The following SLC6A12 variants were observed in gnomAD, a reference collection of about 807,000 sequenced individuals.
SLC6A12 encodes the protein solute carrier family 6 member 12.
SLC6A12 carries 50 observed loss-of-function variants against 73.3 expected under a neutral mutation model. The observed-to-expected ratio is 0.68, with a 90% confidence interval of 0.54 to 0.86. The LOEUF (loss-of-function observed/expected upper bound fraction) is 0.86. SLC6A12 is among the 40% of genes least tolerant of loss of function. SLC6A12 has a pLI of 0.00. For synonymous variants in SLC6A12, 304 were observed against 309.2 expected, an observed-to-expected ratio of 0.98 and a Z score of 0.18; for missense variants, 648 against 772.8, an observed-to-expected ratio of 0.84 and a Z score of 1.92.
chr12:197,622 G>C, intron 9 of SLC6A12, 121 bp from the exon 10 acceptor site: 36 of 960,906 alleles, frequency 3.7e-5, no homozygotes, highest in Non-Finnish European at 5.3e-5. Context: ...AGAAGGGGGA[G>C]GCAAGGGAGG....
At position 198,663 on chromosome 12, in the gene SLC6A12, C is replaced by T. The variant is rs1303435144; in HGVS notation, c.846+134G>A. On this transcript the variant is annotated intron_variant, in intron 8 of 15. Coordinates refer to ENST00000684302, the MANE Select transcript of SLC6A12 (RefSeq NM_001122848.3). The surrounding 1 kb of genome is among the most constrained non-coding windows in gnomAD (Gnocchi z 4.0). ...TAGTTTCTTTTTTATAGCTTTCTTC[C>T]ATATTTTCTAATTTATCTCCAGTGG... 2.9e-6 allele frequency: 2 copies of T among 689,532 alleles called. No homozygotes were observed. Among genetic ancestry groups the T allele is most frequent in the African/African-American group, 1.8e-5 (1 of 55,196 alleles). The allele number at this position is 689,532 out of a possible 1,614,324, so 42.7% of individuals were successfully genotyped here. A position where few individuals can be genotyped will look rare whatever the true frequency, so the allele number is the denominator to read the frequency against.
At chr12:208,190 C>CTA (rs1157804512) in intron 3 of SLC6A12, among the ~76,000 whole-genome samples, 1 of 152,192 alleles carries the variant, frequency 6.6e-6, no homozygotes, top group Non-Finnish European at 1.5e-5. Context: ...CCCTAACATC[C>CTA]TATATGCCAT....
downstream of SLC6A12, among the ~76,000 whole-genome samples, chr12:188,341 G>A (rs370202996): frequency 1.1e-4 from 16 of 152,090 alleles, no homozygotes; most frequent in East Asian, 2.9e-3. Flanking sequence ...CACTGCCCCG[G>A]GCCGGCGGGG....
chr12:187,588 G>GCAA (rs1939453640), downstream of SLC6A12, among the ~76,000 whole-genome samples: 4 of 63,130 alleles, frequency 6.3e-5, no homozygotes, highest in African/African-American at 4.1e-4. Flanking sequence ...CTGCAAAAGA[G>GCAA]CAAAAAAAAA....
At position 204,571 on chromosome 12, in the gene SLC6A12, G is replaced by C. The variant is rs1360558653; in HGVS notation, c.342C>G (p.Leu114=). The C allele has an allele frequency of 6.2e-7, 1 of 1,614,148 alleles. No individual in the cohort carries two copies. Among genetic ancestry groups the C allele is most frequent in the Non-Finnish European group, 8.5e-7 (1 of 1,180,004 alleles). ...SVTAWRKICP[L]FQGIGLASVV... is the part of the protein sequence containing the mutation. The stretch of plus-strand genomic sequence containing the variant: ...GTGGGGGAGGATACATACCCTGGAA[G>C]AGGGGGCAGATCTTCCTCCAGGCTG... Residue 114 remains leucine, a synonymous_variant, in exon 4 of 16, where the codon CTC becomes CTG. Coordinates refer to ENST00000684302, the MANE Select transcript of SLC6A12 (RefSeq NM_001122848.3).
chr12:189,797 G>A (rs1014942261), downstream of SLC6A12, among the ~76,000 whole-genome samples: 1 of 151,854 alleles, frequency 6.6e-6, no homozygotes, highest in African/African-American at 2.4e-5. Flanking sequence ...GGAAACGGGT[G>A]GAGCCATGTG....
In SLC6A12 at chr12:209,881, G is replaced by C. The variant is rs547630555; in HGVS notation, c.106C>G (p.Arg36Gly). 6.2e-7 allele frequency: 1 copy of C among 1,614,172 alleles called. No individual in the cohort carries two copies. Among genetic ancestry groups the C allele is most frequent in the Non-Finnish European group, 8.5e-7 (1 of 1,180,024 alleles). Reference sequence around the variant, plus strand: ...TCCATCTTGTTGGTCCATTGGCCCCGATCCTTCACCTGGTCCTCGTCTTCC... The same window carrying C: ...TCCATCTTGTTGGTCCATTGGCCCCCATCCTTCACCTGGTCCTCGTCTTCC... ...DQEDEDQVKD[R>G]GQWTNKMEFV... is the part of the protein sequence containing the mutation. The change falls in exon 3 of 16, where the codon CGG becomes GGG. Residue 36 changes from arginine (R) to glycine (G), a missense_variant. By Grantham distance (125) the Arg-to-Gly change is moderately radical (BLOSUM62 -2). Transcript: ENST00000684302.
Position 197,372 on chromosome 12 carries a change from C to A in SLC6A12, c.1075+5G>T. ...TCAGGCCCCAGACAGCAAAGTGGCA[C>A]CTACCTGACTCGGCCACTTCAGAAA... On this transcript the variant is annotated splice_donor_5th_base_variant and intron_variant, in intron 10 of 15. Transcript: ENST00000684302. 6.2e-7 allele frequency: 1 copy of A among 1,611,868 alleles called. No individual in the cohort carries two copies. Among genetic ancestry groups the A allele is most frequent in the Non-Finnish European group, 8.5e-7 (1 of 1,178,876 alleles).
intron 5 of SLC6A12, 25 bp downstream of exon 5, chr12:202,700 CCCTAACAGGCAACAT>C (rs1239456199): frequency 6.3e-7 from 1 of 1,599,778 alleles, no homozygotes. Flanking sequence ...GCAGCCCAGC[CCCTAACAGGCAACAT>C]CCCAGGGGCT....
chr12:194,642 G>T (rs1939777322), intron 13 of SLC6A12, among the ~76,000 whole-genome samples: 1 of 152,170 alleles, frequency 6.6e-6, no homozygotes, highest in Non-Finnish European at 1.5e-5. Context: ...CCTGGTGTAG[G>T]ACATGGTCAC....
chr12:200,904 C>G, intron 6 of SLC6A12, 121 bp from the exon 7 acceptor site: 2 of 966,792 alleles, frequency 2.1e-6, no homozygotes, highest in Non-Finnish European at 3.0e-6. Flanking sequence ...GGGCTTCCCC[C>G]ACTCCCCACC....
downstream of SLC6A12, among the ~76,000 whole-genome samples, chr12:185,684 C>T (rs574753351): frequency 3.9e-5 from 6 of 152,340 alleles, no homozygotes; most frequent in African/African-American, 7.2e-5. Context: ...AACTTGCACT[C>T]GCCTCCCGTT....
At chr12:202,328 T>C (rs1177227463) in intron 5 of SLC6A12, among the ~76,000 whole-genome samples, 1 of 152,106 alleles carries the variant, frequency 6.6e-6, no homozygotes, top group African/African-American at 2.4e-5. Flanking sequence ...CTATCACAAT[T>C]TGTAGTGGTT....
intron 14 of SLC6A12, 80 bp downstream of exon 14, chr12:193,196 TG>T: frequency 1.0e-6 from 1 of 993,468 alleles, no homozygotes. Context: ...GAAAGAGCCC[TG>T]CATGTCAGCC....
intron 3 of SLC6A12, among the ~76,000 whole-genome samples, chr12:205,601 G>A (rs572511628): frequency 6.6e-6 from 1 of 152,206 alleles, no homozygotes; most frequent in Non-Finnish European, 1.5e-5. Context: ...CTGAGGCTGA[G>A]CTCATAATCA....
intron 13 of SLC6A12, 42 bp from the exon 14 acceptor site, chr12:193,419 G>A (rs775342805): frequency 2.1e-6 from 3 of 1,453,020 alleles, no homozygotes; most frequent in East Asian, 2.3e-5. Context: ...GCCAGAGGGT[G>A]AGAACAGCTT....
chr12:210,523 G>T, intron 2 of SLC6A12: 1 of 399,716 alleles, frequency 2.5e-6, no homozygotes, highest in Non-Finnish European at 3.4e-6. Flanking sequence ...GTGCTAAGGT[G>T]ATCGATCAGC....
In SLC6A12 at chr12:196,101, G is replaced by A. The variant is rs765687059; in HGVS notation, c.1326+23C>T. On this transcript the variant is annotated intron_variant, in intron 12 of 15. Coordinates refer to ENST00000684302, the MANE Select transcript of SLC6A12 (RefSeq NM_001122848.3). ...GGCTCCCTCCCCTGGAGCCTGGCCT[G>A]CAGGCCGGCGGCCGCAGCTCACCTC... The A allele has an allele frequency of 1.9e-6, 3 of 1,550,218 alleles. No individual in the cohort carries two copies. The African/African-American group carries it at 4.1e-5, about 21-fold the overall frequency.
At chr12:196,409 G>A in intron 11 of SLC6A12, 148 bp from the exon 12 acceptor site, 3 of 916,748 alleles carry the variant, frequency 3.3e-6, no homozygotes, top group Non-Finnish European at 3.3e-6. Context: ...GCCCTGGGGT[G>A]AGCCAACCCT....
Sources: gnomAD v4.1 joint callset for allele counts (sites outside exome capture counted in the v4.1 genomes callset) on GRCh38, gnomAD v4.1.1 for gene constraint, Gnocchi (gnomAD v3.1) non-coding constraint, MANE v1.5 for transcripts, NCBI Gene and HGNC (gene_info 2026-07-23, HGNC 2026-07-21) for gene names.